The following ZCCHC24 variants were observed in gnomAD, a reference collection of about 807,000 sequenced individuals.
The protein encoded by ZCCHC24 is zinc finger CCHC-type containing 24.
In ZCCHC24, 10 loss-of-function variants were observed where a neutral mutation model predicts 26.2. The observed-to-expected ratio is 0.38, with a 90% CI of 0.24 to 0.65. The LOEUF is 0.65. Ranked by LOEUF, ZCCHC24 falls within the 30% of genes least tolerant of loss-of-function variation. ZCCHC24 has a pLI of 0.54. For missense variants in ZCCHC24, 243 were observed against 329.1 expected, an observed-to-expected ratio of 0.74 and a Z score of 2.03; for synonymous variants, 144 against 147.1, an observed-to-expected ratio of 0.98 and a Z score of 0.15.
rs771312204 is a variant in ZCCHC24, at chr10:79,382,418, G to A, written c.*3927C>T. On this transcript the variant is annotated 3_prime_UTR_variant, in exon 4 of 4. Coordinates refer to ENST00000372336, the MANE Select transcript of ZCCHC24 (RefSeq NM_153367.4). The stretch of plus-strand genomic sequence containing the variant: ...ATTCTCCAGGAATAAGGCACACAAC[G>A]GAATGCCATCCCAAGGGCTGCACTT... 3.3e-5 allele frequency: 5 copies of A among 152,826 alleles called. No homozygotes were observed. The highest frequency in any genetic ancestry group is 7.3e-5 in the Non-Finnish European group (5 of 68,064). 9.5% of individuals were successfully genotyped at this position (152,826 alleles called of 1,614,324 possible). A position where few individuals can be genotyped will look rare whatever the true frequency, so the allele number is the denominator to read the frequency against.
chr10:79,403,337 T>C, intron 2 of ZCCHC24: 2 of 958,998 alleles, frequency 2.1e-6, no homozygotes, highest in Non-Finnish European at 2.5e-6. Flanking sequence ...GCAGCAAGTC[T>C]GCCAAGTGCT....
intron 2 of ZCCHC24, among the ~76,000 whole-genome samples, chr10:79,427,459 A>C (rs904004882): frequency 3.9e-5 from 6 of 152,184 alleles, no homozygotes; most frequent in African/African-American, 1.4e-4. Context: ...AACCACAATA[A>C]ATTTAGAAGG....
chr10:79,407,111 C>T (rs1268417707), intron 2 of ZCCHC24, among the ~76,000 whole-genome samples: 1 of 152,236 alleles, frequency 6.6e-6, no homozygotes, highest in East Asian at 1.9e-4. Context: ...TCTACACCTG[C>T]TGAAGGCAAG....
intron 2 of ZCCHC24, chr10:79,394,722 T>C: frequency 1.2e-6 from 1 of 838,170 alleles, no homozygotes; most frequent in Non-Finnish European, 1.4e-6. Context: ...CAATGGTGGC[T>C]GGAAATTACT....
chr10:79,429,685 T>G (rs1857100530), intron 2 of ZCCHC24, among the ~76,000 whole-genome samples: 1 of 152,204 alleles, frequency 6.6e-6, no homozygotes, highest in Non-Finnish European at 1.5e-5. Flanking sequence ...TCCAGGCATA[T>G]ACGAAAATCA....
chr10:79,439,863 G>A (rs942708133), intron 1 of ZCCHC24, among the ~76,000 whole-genome samples: 1 of 151,956 alleles, frequency 6.6e-6, no homozygotes, highest in Non-Finnish European at 1.5e-5. Context: ...CACAGCAGCT[G>A]GAAAGAGGTC....
intron 2 of ZCCHC24, among the ~76,000 whole-genome samples, chr10:79,408,523 A>G (rs539853565): frequency 1.3e-5 from 2 of 152,132 alleles, no homozygotes; most frequent in Non-Finnish European, 2.9e-5. Context: ...TGAATTAGGC[A>G]CCCACAAGGC....
At chr10:79,401,686 C>A (rs1856634770) in intron 2 of ZCCHC24, among the ~76,000 whole-genome samples, 2 of 152,342 alleles carry the variant, frequency 1.3e-5, no homozygotes, top group East Asian at 1.9e-4. Context: ...GGACTGACTG[C>A]TGGGCAGGGT....
At chr10:79,422,945 C>T (rs541472164) in intron 2 of ZCCHC24, among the ~76,000 whole-genome samples, 1 of 152,130 alleles carries the variant, frequency 6.6e-6, no homozygotes, top group East Asian at 1.9e-4. Flanking sequence ...GCCTGACAGC[C>T]GTGAAGGGCA....
intron 2 of ZCCHC24, among the ~76,000 whole-genome samples, chr10:79,411,253 A>G (rs950268433): frequency 6.6e-6 from 1 of 152,170 alleles, no homozygotes; most frequent in African/African-American, 2.4e-5. Flanking sequence ...GGGCTGGTAA[A>G]AAGAGGCCTT....
intron 2 of ZCCHC24, among the ~76,000 whole-genome samples, chr10:79,417,053 G>T (rs1027907541): frequency 6.6e-6 from 1 of 152,240 alleles, no homozygotes; most frequent in Admixed American, 6.5e-5. Context: ...CTATGTGCCA[G>T]GTGCTGCGCT....
At chr10:79,420,688 G>C (rs926269753) in intron 2 of ZCCHC24, among the ~76,000 whole-genome samples, 1 of 152,082 alleles carries the variant, frequency 6.6e-6, no homozygotes, top group Non-Finnish European at 1.5e-5. Context: ...CAGGAGAATC[G>C]CTTGAACTCG....
At chr10:79,409,508 T>C (rs1377788327) in intron 2 of ZCCHC24, among the ~76,000 whole-genome samples, 1 of 152,176 alleles carries the variant, frequency 6.6e-6, no homozygotes, top group East Asian at 1.9e-4. Flanking sequence ...TCTGATTCCC[T>C]GGGCCCAGCG....
intron 2 of ZCCHC24, among the ~76,000 whole-genome samples, chr10:79,430,133 T>C (rs564166956): frequency 1.3e-5 from 2 of 152,342 alleles, no homozygotes; most frequent in African/African-American, 4.8e-5. Flanking sequence ...GTCCAGGCAC[T>C]GTGCTAAGCA....
At chr10:79,397,669 AGGT>A (rs1856565064) in intron 2 of ZCCHC24, among the ~76,000 whole-genome samples, 1 of 152,084 alleles carries the variant, frequency 6.6e-6, no homozygotes, top group South Asian at 2.1e-4. Context: ...CCTTGATCGA[AGGT>A]GGGAACTTGG....
chr10:79,400,323 G>A (rs1259162631), intron 2 of ZCCHC24, among the ~76,000 whole-genome samples: 1 of 152,194 alleles, frequency 6.6e-6, no homozygotes, highest in African/African-American at 2.4e-5. Context: ...TGGAATGAGC[G>A]AAACATTCAA....
intron 3 of ZCCHC24, among the ~76,000 whole-genome samples, chr10:79,393,052 G>A (rs1228656445): frequency 2.0e-5 from 3 of 152,046 alleles, no homozygotes; most frequent in African/African-American, 7.3e-5. Flanking sequence ...TCCTTACTGG[G>A]TCTTCCTCCT....
At chr10:79,441,079 A>AACACACACATACACACACAC (rs1857286271) in intron 1 of ZCCHC24, among the ~76,000 whole-genome samples, 1 of 135,580 alleles carries the variant, frequency 7.4e-6, no homozygotes, top group Non-Finnish European at 1.6e-5. Context: ...CTGCCCCCTA[A>AACACACACATACACACACAC]ACACACACAC....
At chr10:79,402,177 C>G (rs954600022) in intron 2 of ZCCHC24, among the ~76,000 whole-genome samples, 2 of 152,236 alleles carry the variant, frequency 1.3e-5, no homozygotes, top group Non-Finnish European at 2.9e-5. Flanking sequence ...TCTCCTTGAG[C>G]CTGGGGCAGT....
Sources: allele counts gnomAD v4.1 joint callset (sites outside exome capture counted in the v4.1 genomes callset), GRCh38; gene constraint gnomAD v4.1.1; transcripts MANE v1.5; gene names NCBI Gene and HGNC (gene_info 2026-07-23, HGNC 2026-07-21).